NELL2: variants seen among roughly 807,000 people sequenced by gnomAD.
The protein encoded by NELL2 is protein kinase C-binding protein NELL2.
In NELL2, 41 loss-of-function variants were observed where a neutral mutation model predicts 109.6. The ratio of observed to expected loss-of-function variants is 0.37; its 90% CI spans 0.29 to 0.49. NELL2 has a LOEUF of 0.49. Among genes scored for constraint, NELL2 ranks in the 20% least tolerant of loss-of-function variants. The pLI is 0.98. For missense variants in NELL2, 900 were observed against 1,008.3 expected (o/e 0.89, Z 1.45); for synonymous variants, 355 against 344.7 (o/e 1.03, Z -0.33).
intron 2 of NELL2, among the ~76,000 whole-genome samples, chr12:44,870,584 T>C (rs1239430998): frequency 6.6e-6 from 1 of 152,188 alleles, no homozygotes; most frequent in Non-Finnish European, 1.5e-5. Context: ...ACATTCCTTC[T>C]GGAGGCTGTA....
intron 1 of NELL2, among the ~76,000 whole-genome samples, chr12:44,901,507 C>T (rs1945660573): frequency 6.6e-6 from 1 of 152,116 alleles, no homozygotes; most frequent in Non-Finnish European, 1.5e-5. Context: ...TAAAACTATT[C>T]CAAACAACAG....
chr12:44,816,027 T>C lies in NELL2; in HGVS notation c.294A>G (p.Leu98=), dbSNP rs753620916. Residue 98 remains leucine (L), a synonymous_variant, in exon 3 of 20, where the codon TTA becomes TTG. Transcript: ENST00000429094. The stretch of plus-strand genomic sequence containing the variant: ...GAATTGAGAGAATAACTCCTGAATT[T>C]AAGTGGGTCTGTTTTAGGGTCACCA... ...TILVTLKQTH[L]NSGVILSIHH... is the part of the protein sequence containing the mutation. 4 of 1,612,552 alleles carry C rather than the reference T, an allele frequency of 2.5e-6. No individual in the cohort carries two copies. The Admixed American group carries it at 6.7e-5, about 27-fold the overall frequency.
intron 18 of NELL2, among the ~76,000 whole-genome samples, chr12:44,520,943 T>G (rs1223839243): frequency 2.6e-5 from 4 of 152,120 alleles, no homozygotes; most frequent in African/African-American, 9.7e-5. Context: ...GGGTTGAAAG[T>G]ATAAAAAGGA....
chr12:44,904,514 A>G (rs2658993), intron 1 of NELL2, among the ~76,000 whole-genome samples: 5,302 of 152,222 alleles, frequency 0.035, 203 homozygotes, highest in African/African-American at 0.086. Flanking sequence ...GAAGATCAAA[A>G]AACAAAACAC....
chr12:44,861,687 G>A (rs981526964), intron 2 of NELL2, among the ~76,000 whole-genome samples: 1 of 152,074 alleles, frequency 6.6e-6, no homozygotes, highest in Admixed American at 6.5e-5. Context: ...CATCACCAGG[G>A]CAGCGACCAT....
chr12:44,774,594 T>G (rs1941675545), intron 9 of NELL2, 153 bp downstream of exon 9: 1 of 658,414 alleles, frequency 1.5e-6, no homozygotes, highest in South Asian at 1.9e-5. Flanking sequence ...GGAAAAGAAC[T>G]AATCAACCAA....
intron 13 of NELL2, among the ~76,000 whole-genome samples, chr12:44,628,603 T>C (rs891831599): frequency 2.0e-5 from 3 of 152,168 alleles, no homozygotes; most frequent in Non-Finnish European, 4.4e-5. Context: ...AGGTTCTTCA[T>C]CCCTCAGGAC....
chr12:44,800,741 T>C (rs1343050147), intron 3 of NELL2, among the ~76,000 whole-genome samples: 1 of 152,174 alleles, frequency 6.6e-6, no homozygotes, highest in African/African-American at 2.4e-5. Flanking sequence ...AAGCCTGGCC[T>C]GTGTAGGAAT....
At chr12:44,644,572 A>C (rs1946985805) in intron 13 of NELL2, among the ~76,000 whole-genome samples, 1 of 139,074 alleles carries the variant, frequency 7.2e-6, no homozygotes. Flanking sequence ...TATACCAGAC[A>C]AAGTAAAGTA....
In NELL2 at chr12:44,833,760, C is replaced by A. The variant is rs539625905; in HGVS notation, c.185-17624G>T. 1.5e-4 allele frequency among the ~76,000 whole-genome samples: 23 copies of A among 152,310 alleles called. No homozygotes were observed. In the South Asian group the frequency reaches 4.8e-3, roughly 32 times the overall value. On this transcript the variant is annotated intron_variant, in intron 2 of 19. Coordinates refer to ENST00000429094, the MANE Select transcript of NELL2 (RefSeq NM_001145108.2). Reference sequence around the variant, plus strand: ...AGCTCTAGGTAATACCTGATAATCTCACACACAGACACAATTTATGCTGTA... The same window carrying A: ...AGCTCTAGGTAATACCTGATAATCTAACACACAGACACAATTTATGCTGTA...
intron 15 of NELL2, among the ~76,000 whole-genome samples, chr12:44,577,397 GT>G (rs1592145794): frequency 8.4e-6 from 1 of 119,508 alleles, no homozygotes; most frequent in East Asian, 2.4e-4. Context: ...GGGGTTGTTT[GT>G]TTTTTTCTTG....
intron 3 of NELL2, among the ~76,000 whole-genome samples, chr12:44,805,731 G>A (rs1942977845): frequency 6.6e-6 from 1 of 151,706 alleles, no homozygotes; most frequent in South Asian, 2.1e-4. Flanking sequence ...AAGATCAATA[G>A]GAAACTAATC....
At chr12:44,526,026 C>T (rs927261611) in intron 16 of NELL2, among the ~76,000 whole-genome samples, 3 of 152,044 alleles carry the variant, frequency 2.0e-5, no homozygotes, top group Non-Finnish European at 4.4e-5. Context: ...CTGGAATGTT[C>T]AGTGAGAGAG....
At chr12:44,618,772 G>A (rs1196299013) in intron 13 of NELL2, among the ~76,000 whole-genome samples, 1 of 152,084 alleles carries the variant, frequency 6.6e-6, no homozygotes, top group Non-Finnish European at 1.5e-5. Flanking sequence ...CCATAACAAA[G>A]AAAACAATAA....
intron 9 of NELL2, among the ~76,000 whole-genome samples, chr12:44,736,004 CTTTTTTTT>C (rs35988182): frequency 1.0e-4 from 10 of 99,402 alleles, no homozygotes; most frequent in Non-Finnish European, 1.4e-4. Flanking sequence ...GCAGTTAATT[CTTTTTTTT>C]TTTTTTTTTT....
At chr12:44,609,258 G>A (rs1945520188) in intron 14 of NELL2, among the ~76,000 whole-genome samples, 1 of 151,722 alleles carries the variant, frequency 6.6e-6, no homozygotes, top group African/African-American at 2.4e-5. Context: ...TGAAAATAAG[G>A]TTTACGTGAA....
intron 9 of NELL2, among the ~76,000 whole-genome samples, chr12:44,742,561 C>T (rs7963713): frequency 2.6e-5 from 4 of 151,904 alleles, no homozygotes; most frequent in African/African-American, 4.8e-5. Context: ...AAGCTTTGAA[C>T]AAAAATTAGA....
At chr12:44,651,606 T>C (rs2136317312) in intron 13 of NELL2, among the ~76,000 whole-genome samples, 1 of 152,332 alleles carries the variant, frequency 6.6e-6, no homozygotes, top group Non-Finnish European at 1.5e-5. Context: ...GGGGTTTATT[T>C]CAGTGTGACT....
intron 11 of NELL2, among the ~76,000 whole-genome samples, chr12:44,708,215 C>T (rs940458583): frequency 2.6e-5 from 4 of 152,124 alleles, no homozygotes; most frequent in African/African-American, 4.8e-5. Flanking sequence ...TTGAAAAAAG[C>T]GGAAAACTTT....
Sources: allele counts gnomAD v4.1 joint callset (sites outside exome capture counted in the v4.1 genomes callset), GRCh38; gene constraint gnomAD v4.1.1; transcripts MANE v1.5; gene names NCBI Gene and HGNC (gene_info 2026-07-23, HGNC 2026-07-21).